Variants in PIK3C2G observed in about 807,000 individuals in gnomAD.
PIK3C2G encodes phosphatidylinositol-4-phosphate 3-kinase catalytic subunit type 2 gamma, also known as phosphatidylinositol 3-kinase C2 domain-containing subunit gamma.
In PIK3C2G, 168 loss-of-function variants were observed where a neutral mutation model predicts 181.1. That is an observed-to-expected ratio of 0.93 (90% CI 0.82 to 1.05). The LOEUF (loss-of-function observed/expected upper bound fraction) is 1.05. Among genes scored for constraint, PIK3C2G ranks in the 50% least tolerant of loss-of-function variants. PIK3C2G has a pLI of 0.00. For missense variants in PIK3C2G, 1,869 were observed against 1,732.8 expected (o/e 1.08, Z -1.40); for synonymous variants, 573 against 592.2 (o/e 0.97, Z 0.47).
chr12:18,510,319 T>C (rs4763506), intron 24 of PIK3C2G, among the ~76,000 whole-genome samples: 24,400 of 152,208 alleles, frequency 0.16, 2,445 homozygotes, highest in South Asian at 0.37. Context: ...GGCCAACAAA[T>C]TGTGCATCCA....
chr12:18,471,272 A>C (rs1257540476), intron 18 of PIK3C2G, among the ~76,000 whole-genome samples: 1 of 152,158 alleles, frequency 6.6e-6, no homozygotes. Flanking sequence ...TCTCATGTAC[A>C]AAATGGGCAT....
chr12:18,267,856 C>T (rs535107928), intron 1 of PIK3C2G, among the ~76,000 whole-genome samples: 1 of 152,336 alleles, frequency 6.6e-6, no homozygotes, highest in Admixed American at 6.5e-5. Flanking sequence ...CCCAAACATT[C>T]ATCCCCCGTT....
upstream of PIK3C2G, among the ~76,000 whole-genome samples, chr12:18,245,809 C>G (rs1215170949): frequency 6.6e-6 from 1 of 152,060 alleles, no homozygotes; most frequent in Non-Finnish European, 1.5e-5. Flanking sequence ...GTAAGTTTTT[C>G]CATTTCATTA....
chr12:18,473,757 T>G (rs1301812683), intron 18 of PIK3C2G, among the ~76,000 whole-genome samples: 4 of 152,172 alleles, frequency 2.6e-5, no homozygotes, highest in Non-Finnish European at 5.9e-5. Flanking sequence ...TATTCTAATT[T>G]TTATTACAGT....
At chr12:18,665,732 C>G in the PIK3C2G span, among the ~76,000 whole-genome samples, 1 of 151,894 alleles carries the variant, frequency 6.6e-6, no homozygotes, top group African/African-American at 2.4e-5. Flanking sequence ...GTCAGGAGAT[C>G]GAGACCATCC....
intron 23 of PIK3C2G, 73 bp from the exon 24 acceptor site, chr12:18,505,219 G>A (rs888444130): frequency 7.9e-7 from 1 of 1,258,858 alleles, no homozygotes; most frequent in South Asian, 1.6e-5. Flanking sequence ...TACTTTTTAT[G>A]ATTACCTCTG....
At chr12:18,355,997 T>C (rs1235244415) in intron 11 of PIK3C2G, among the ~76,000 whole-genome samples, 4 of 152,060 alleles carry the variant, frequency 2.6e-5, no homozygotes, top group Admixed American at 2.6e-4. Context: ...GGGGAACAGG[T>C]CCAGTCTTGT....
At chr12:18,640,627 G>A in intron 32 of PIK3C2G, 73 bp downstream of exon 32, 5 of 1,383,100 alleles carry the variant, frequency 3.6e-6, no homozygotes, top group Non-Finnish European at 4.9e-6. Flanking sequence ...AACCAAATAT[G>A]GAAAATTTGC....
intron 32 of PIK3C2G, among the ~76,000 whole-genome samples, chr12:18,646,281 G>A (rs1424992736): frequency 1.3e-5 from 2 of 152,170 alleles, no homozygotes; most frequent in African/African-American, 4.8e-5. Flanking sequence ...TCCTGCATAT[G>A]TACAAGAAAA....
intron 9 of PIK3C2G, among the ~76,000 whole-genome samples, chr12:18,339,801 ACATGAACAATG>A (rs1938951893): frequency 2.0e-5 from 3 of 152,184 alleles, no homozygotes; most frequent in Non-Finnish European, 4.4e-5. Context: ...TACGTTCTTT[ACATGAACAATG>A]ACAATGAAGA....
At chr12:18,524,551 T>C (rs1373790488) in intron 24 of PIK3C2G, among the ~76,000 whole-genome samples, 1 of 151,824 alleles carries the variant, frequency 6.6e-6, no homozygotes, top group Non-Finnish European at 1.5e-5. Flanking sequence ...GGCTTCTTTG[T>C]GCCTCAGTTT....
At chr12:18,666,841 T>C in the PIK3C2G span, among the ~76,000 whole-genome samples, 2 of 152,208 alleles carry the variant, frequency 1.3e-5, no homozygotes, top group Non-Finnish European at 2.9e-5. Context: ...TTATGTGGTA[T>C]ATGGAAACTC....
intron 29 of PIK3C2G, among the ~76,000 whole-genome samples, chr12:18,590,328 A>G (rs949990894): frequency 2.6e-5 from 4 of 151,920 alleles, no homozygotes; most frequent in Non-Finnish European, 5.9e-5. Flanking sequence ...CAGGATTGAT[A>G]GATATAATAT....
chr12:18,342,580 T>C (rs140459886), intron 9 of PIK3C2G, among the ~76,000 whole-genome samples: 80 of 152,058 alleles, frequency 5.3e-4, no homozygotes, highest in African/African-American at 1.9e-3. Context: ...AAAAATTGTA[T>C]TTCCTTTTGG....
chr12:18,254,140 A>G (rs10770338), intron 1 of PIK3C2G, among the ~76,000 whole-genome samples: 66,758 of 151,932 alleles, frequency 0.44, 15,108 homozygotes, highest in East Asian at 0.75. Context: ...AAGAGTTAGA[A>G]GAATTTAAAA....
At chr12:18,322,081 G>C (rs895053889) in intron 7 of PIK3C2G, among the ~76,000 whole-genome samples, 8 of 152,210 alleles carry the variant, frequency 5.3e-5, no homozygotes, top group African/African-American at 1.9e-4. Flanking sequence ...ACGTTTCCCA[G>C]AACTTAAAAT....
At chr12:18,359,844 A>G (rs573099076) in intron 11 of PIK3C2G, among the ~76,000 whole-genome samples, 6 of 152,250 alleles carry the variant, frequency 3.9e-5, no homozygotes, top group African/African-American at 1.4e-4. Flanking sequence ...GTGTCCTTAA[A>G]TCTACATTGA....
intron 11 of PIK3C2G, among the ~76,000 whole-genome samples, chr12:18,349,898 A>T (rs1940058441): frequency 6.6e-6 from 1 of 152,206 alleles, no homozygotes. Context: ...AAGATTGGTT[A>T]AAAATGTTTG....
Position 18,562,136 on chromosome 12 carries a change from G to T in PIK3C2G, c.3591-567G>T, listed in dbSNP as rs938781346. ...CAAATAAACAACAAAATCTTTTTTT[G>T]TTGTTGTTGTTTTTGAGACGGAGTC... On this transcript the variant is annotated intron_variant, in intron 26 of 32. Coordinates refer to ENST00000538779, the MANE Select transcript of PIK3C2G (RefSeq NM_001288772.2). Among the ~76,000 whole-genome samples, 9 of 152,046 alleles carry T rather than the reference G, an allele frequency of 5.9e-5. No individual in the cohort carries two copies. The East Asian group carries it at 9.7e-4, about 16-fold the overall frequency.
Sources: gnomAD v4.1 joint callset for allele counts (sites outside exome capture counted in the v4.1 genomes callset) on GRCh38, gnomAD v4.1.1 for gene constraint, MANE v1.5 for transcripts, NCBI Gene and HGNC (gene_info 2026-07-23, HGNC 2026-07-21) for gene names.